Variants in RNF157 observed in about 807,000 individuals in gnomAD.
RNF157 encodes the protein ring finger protein 157.
In RNF157, 55 loss-of-function variants were observed where a neutral mutation model predicts 88.3. The observed-to-expected ratio is 0.62, with a 90% CI of 0.50 to 0.78. The LOEUF (loss-of-function observed/expected upper bound fraction) is 0.78, where lower values mean the gene tolerates loss of function less well. Ranked by LOEUF, RNF157 falls within the 30% of genes least tolerant of loss-of-function variation. The probability of loss-of-function intolerance (pLI) is 0.00; values close to 1 mark genes in which losing one functional copy is unlikely to be tolerated. For missense variants in RNF157, 788 were observed against 860.8 expected (o/e 0.92, Z 1.06); for synonymous variants, 334 against 341.2 (o/e 0.98, Z 0.23).
At chr17:76,235,114 CT>C (rs958066778) in intron 1 of RNF157, among the ~76,000 whole-genome samples, 32 of 151,906 alleles carry the variant, frequency 2.1e-4, no homozygotes, top group African/African-American at 7.7e-4. Context: ...AGTCCTCCAA[CT>C]TTGTTCCTTT....
Position 76,146,142 on chromosome 17 carries a change from C to T in RNF157, c.1922-789G>A. 1 of 156,416 alleles carries T rather than the reference C, an allele frequency of 6.4e-6. No homozygotes were observed. Among genetic ancestry groups the T allele is most frequent in the Non-Finnish European group, 1.4e-5 (1 of 71,830 alleles). The allele number at this position is 156,416 out of a possible 1,614,324, so 9.7% of individuals were successfully genotyped here. A position where few individuals can be genotyped will look rare whatever the true frequency, so the allele number is the denominator to read the frequency against. On this transcript the variant is annotated intron_variant, in intron 18 of 18. Transcript: ENST00000269391. The surrounding 1 kb of genome is among the most constrained non-coding windows in gnomAD (Gnocchi z 4.2). ...TGTGGATCCAATCCTCCACAGCCTC[C>T]TGTGGGCTCACTTCCTGGCCGTGTT... is the stretch of plus-strand genomic sequence containing the variant.
At chr17:76,181,829 A>G (rs2069193102) in intron 2 of RNF157, among the ~76,000 whole-genome samples, 1 of 148,396 alleles carries the variant, frequency 6.7e-6, no homozygotes, top group African/African-American at 2.5e-5. Flanking sequence ...AATCACTTGA[A>G]CCCAGGAGGC....
intron 3 of RNF157, among the ~76,000 whole-genome samples, chr17:76,171,236 T>C (rs1471926307): frequency 6.6e-6 from 1 of 151,400 alleles, no homozygotes; most frequent in African/African-American, 2.4e-5. Flanking sequence ...TCACCCAGAG[T>C]GGAGTGCAGT....
intron 2 of RNF157, among the ~76,000 whole-genome samples, chr17:76,186,696 T>C (rs2069296206): frequency 6.6e-6 from 1 of 152,028 alleles, no homozygotes; most frequent in African/African-American, 2.4e-5. Flanking sequence ...TCCCAGCACT[T>C]TGGGAGGCCG....
intron 2 of RNF157, among the ~76,000 whole-genome samples, chr17:76,182,451 C>G (rs145080165): frequency 1.8e-4 from 26 of 144,120 alleles, no homozygotes; most frequent in Admixed American, 6.9e-4. Context: ...CGCATTTAGT[C>G]TGTGTGTGTG....
At chr17:76,231,173 A>AT (rs2070185894) in intron 1 of RNF157, among the ~76,000 whole-genome samples, 1 of 151,898 alleles carries the variant, frequency 6.6e-6, no homozygotes, top group South Asian at 2.1e-4. Context: ...AATTTTTTGT[A>AT]TTTTTAGCAG....
chr17:76,213,362 G>A (rs2069834177), intron 1 of RNF157, among the ~76,000 whole-genome samples: 2 of 152,052 alleles, frequency 1.3e-5, no homozygotes, highest in Admixed American at 6.6e-5. Context: ...TTGAGGTCAG[G>A]AGTTAGAGAC....
intron 6 of RNF157, 50 bp downstream of exon 6, chr17:76,166,411 G>T: frequency 6.8e-7 from 1 of 1,472,178 alleles, no homozygotes; most frequent in Non-Finnish European, 9.5e-7. Context: ...CCAGGAATAT[G>T]CCACAAAAGA....
chr17:76,155,195 A>G, intron 16 of RNF157, 57 bp downstream of exon 16: 1 of 1,508,514 alleles, frequency 6.6e-7, no homozygotes, highest in Non-Finnish European at 9.2e-7. Flanking sequence ...TCCCCAGCCA[A>G]GGCCAGCACT....
Position 76,209,026 on chromosome 17 carries a change from T to C in RNF157, c.207+3338A>G, listed in dbSNP as rs989464620. On this transcript the variant is annotated intron_variant, in intron 2 of 18. Transcript: ENST00000269391. ...GTGTAACATTAAGCATACTTAATGA[T>C]TACTACATAAAAGCAACAACAAAAA... Among the ~76,000 whole-genome samples the C allele has an allele frequency of 2.6e-5, 4 of 151,826 alleles. 1 individual carries two copies. The highest frequency in any genetic ancestry group is 9.7e-5 in the African/African-American group (4 of 41,364).
intron 18 of RNF157, chr17:76,145,688 G>A: frequency 4.3e-6 from 1 of 233,260 alleles, no homozygotes. Context: ...TTGCCTATAT[G>A]TTACAATAGA....
At position 76,212,459 on chromosome 17, in the gene RNF157, T is replaced by C. The variant is rs1488663215; in HGVS notation, c.112A>G (p.Ile38Val). Residue 38 changes from isoleucine (I) to valine (V), a missense_variant, in exon 2 of 19, where the codon ATT (isoleucine) becomes GTT (valine). By Grantham distance (29) the Ile-to-Val change is conservative. Coordinates refer to ENST00000269391, the MANE Select transcript of RNF157 (RefSeq NM_052916.3). ...KSGSYFASHF[I>V]MGGEKFDSTH... ...GAGTCAAACTTCTCTCCTCCCATAA[T>C]GAAGTGGCTGGCAAAATAGCTTCCT... The C allele has an allele frequency of 1.9e-6, 3 of 1,613,058 alleles. No homozygotes were observed. The highest frequency in any genetic ancestry group is 2.2e-5 in the East Asian group (1 of 44,860).
chr17:76,170,277 G>A (rs900936460), intron 3 of RNF157, among the ~76,000 whole-genome samples: 3 of 152,052 alleles, frequency 2.0e-5, no homozygotes, highest in Non-Finnish European at 2.9e-5. Flanking sequence ...GCCCAGGCTG[G>A]AGTGCAGTGC....
chr17:76,205,321 T>G (rs2069662452), intron 2 of RNF157, among the ~76,000 whole-genome samples: 1 of 150,484 alleles, frequency 6.6e-6, no homozygotes. Context: ...TTTTGTAGAG[T>G]CGGGGTTTTG....
chr17:76,201,818 A>G (rs1409375205), intron 2 of RNF157, among the ~76,000 whole-genome samples: 1 of 152,152 alleles, frequency 6.6e-6, no homozygotes, highest in African/African-American at 2.4e-5. Flanking sequence ...TGGCATAGGC[A>G]CATTATAATT....
At chr17:76,182,703 A>G (rs2144912091) in intron 2 of RNF157, among the ~76,000 whole-genome samples, 1 of 143,882 alleles carries the variant, frequency 7.0e-6, no homozygotes, top group East Asian at 2.0e-4. Context: ...TTCAACATAA[A>G]TCTTTTTTTA....
intron 1 of RNF157, among the ~76,000 whole-genome samples, chr17:76,213,173 T>C (rs1216566547): frequency 6.6e-6 from 1 of 152,218 alleles, no homozygotes; most frequent in Admixed American, 6.5e-5. Flanking sequence ...TTCCATGTAT[T>C]GAAGAATCTC....
chr17:76,177,587 AGGCTGG>A (rs2069125333), intron 2 of RNF157, among the ~76,000 whole-genome samples: 1 of 151,940 alleles, frequency 6.6e-6, no homozygotes, highest in Non-Finnish European at 1.5e-5. Flanking sequence ...GAGGACGTGA[AGGCTGG>A]GGGCCTGGCT....
rs751774485 is a variant in RNF157 at position 76,145,375 on chromosome 17, T to C, written c.1922-22A>G. ...GCACCTGGGGAAGAGAAAATGAACA[T>C]TACAGGAGCCAGACCTTTGGCCAAA... On this transcript the variant is annotated intron_variant, in intron 18 of 18. Transcript: ENST00000269391. 9 of 1,585,038 alleles carry C rather than the reference T, an allele frequency of 5.7e-6. No homozygotes were observed. The South Asian group carries it at 8.9e-5, about 16-fold the overall frequency.
Sources: allele counts gnomAD v4.1 joint callset (sites outside exome capture counted in the v4.1 genomes callset), GRCh38; gene constraint gnomAD v4.1.1; non-coding constraint Gnocchi (gnomAD v3.1); transcripts MANE v1.5; gene names NCBI Gene and HGNC (gene_info 2026-07-23, HGNC 2026-07-21).